PLEKHS1: variants seen among roughly 807,000 people sequenced by gnomAD.
The protein encoded by PLEKHS1 is pleckstrin homology domain containing S1, also known as pleckstrin homology domain-containing family S member 1.
A neutral mutation model predicts 51.0 loss-of-function variants in PLEKHS1; 55 were observed. The ratio of observed to expected loss-of-function variants is 1.08; its 90% CI spans 0.87 to 1.35. The LOEUF (loss-of-function observed/expected upper bound fraction) is 1.35. Among genes scored for constraint, PLEKHS1 ranks in the 40% most tolerant of loss-of-function variants. The probability of loss-of-function intolerance (pLI) is 0.00; values close to 1 mark genes in which losing one functional copy is unlikely to be tolerated. For synonymous variants in PLEKHS1, 153 were observed against 144.8 expected, an observed-to-expected ratio of 1.06 and a Z score of -0.41; for missense variants, 398 against 423.0, an observed-to-expected ratio of 0.94 and a Z score of 0.52.
intron 7 of PLEKHS1, 108 bp downstream of exon 7, chr10:113,770,008 C>T (rs1844333655): frequency 2.5e-6 from 2 of 797,582 alleles, no homozygotes; most frequent in Non-Finnish European, 4.4e-6. Flanking sequence ...TTCCTCAAAG[C>T]CCGATGCACT....
At chr10:113,765,349 C>T in intron 2 of PLEKHS1, 1 of 779,320 alleles carries the variant, frequency 1.3e-6, no homozygotes, top group Non-Finnish European at 2.4e-6. Flanking sequence ...AGTACTCTAC[C>T]CAATGCCCTG....
exon 11 of PLEKHS1, chr10:113,775,814 C>T: frequency 6.2e-7 from 1 of 1,613,078 alleles, no homozygotes; most frequent in South Asian, 1.1e-5. Flanking sequence ...TTTCCTTTCT[C>T]CTCCTGATGT....
chr10:113,777,749 G>A, intron 11 of PLEKHS1: 1 of 1,460,120 alleles, frequency 6.8e-7, no homozygotes, highest in Non-Finnish European at 9.0e-7. Flanking sequence ...TGTTATTCAA[G>A]CCCATTTTTT....
chr10:113,769,772 T>G lies in PLEKHS1; in HGVS notation c.436-12T>G. The G allele has an allele frequency of 6.3e-7, 1 of 1,576,532 alleles. No individual in the cohort carries two copies. Among genetic ancestry groups the G allele is most frequent in the Non-Finnish European group, 8.7e-7 (1 of 1,145,948 alleles). On this transcript the variant is annotated splice_polypyrimidine_tract_variant and intron_variant, in intron 6 of 11. Coordinates refer to ENST00000361048, the Ensembl canonical transcript of PLEKHS1. Reference sequence around the variant, plus strand: ...CAACTGTGCCCTGACTGATTCCTTTTTTTGTGAGCAGGAGGAACTCTCATT... The same window carrying G: ...CAACTGTGCCCTGACTGATTCCTTTGTTTGTGAGCAGGAGGAACTCTCATT...
At chr10:113,757,882 T>C (rs980864754) in intron 2 of PLEKHS1, among the ~76,000 whole-genome samples, 3 of 152,276 alleles carry the variant, frequency 2.0e-5, no homozygotes, top group African/African-American at 7.2e-5. Context: ...AGCTGTAGAT[T>C]CCATCTCAAG....
chr10:113,779,644 A>G (rs528057778), intron 11 of PLEKHS1, among the ~76,000 whole-genome samples: 1 of 152,148 alleles, frequency 6.6e-6, no homozygotes, highest in Non-Finnish European at 1.5e-5. Context: ...TCTGAAAGTT[A>G]CCAAACACTA....
intron 10 of PLEKHS1, 36 bp downstream of exon 10, chr10:113,775,071 A>G (rs762866845): frequency 8.4e-6 from 13 of 1,545,792 alleles, no homozygotes; most frequent in Non-Finnish European, 1.2e-5. Flanking sequence ...ATGGGCCCTA[A>G]GAGCAAGGCA....
intron 5 of PLEKHS1, 105 bp from the exon 6 acceptor site, chr10:113,768,710 G>T: frequency 1.2e-6 from 1 of 857,030 alleles, no homozygotes; most frequent in Non-Finnish European, 1.8e-6. Context: ...TATTTCGCTG[G>T]TACCTGCTCT....
intron 2 of PLEKHS1, among the ~76,000 whole-genome samples, chr10:113,759,899 T>C (rs1001237544): frequency 6.6e-6 from 1 of 152,226 alleles, no homozygotes; most frequent in Non-Finnish European, 1.5e-5. Context: ...GGCTGACATG[T>C]TTAAAGTCTA....
At chr10:113,780,555 T>A in intron 11 of PLEKHS1, 47 bp from the exon 13 acceptor site, 1 of 1,558,480 alleles carries the variant, frequency 6.4e-7, no homozygotes, top group African/African-American at 1.4e-5. Context: ...GCAACAATCT[T>A]AAAGATAATC....
At position 113,777,265 on chromosome 10, in the gene PLEKHS1, TC is replaced by T; in HGVS notation, c.1091+1400del. ...CCCGGTCCATCCAGAAGGAGGTGAG[TC>T]GTACTGACCAGCCCTGAACAGGGCA... is the stretch of plus-strand genomic sequence containing the variant. On this transcript the variant is annotated intron_variant, in intron 11 of 11. Coordinates refer to ENST00000361048, the Ensembl canonical transcript of PLEKHS1. 1 of 1,612,480 alleles carries T rather than the reference TC, an allele frequency of 6.2e-7. No homozygotes were observed. Among genetic ancestry groups the T allele is most frequent in the Non-Finnish European group, 8.5e-7 (1 of 1,179,786 alleles).
At chr10:113,764,274 T>C (rs1388971013) in intron 2 of PLEKHS1, among the ~76,000 whole-genome samples, 1 of 152,116 alleles carries the variant, frequency 6.6e-6, no homozygotes, top group Non-Finnish European at 1.5e-5. Context: ...CTAATTTTTG[T>C]ATTTTTGTAG....
intron 2 of PLEKHS1, chr10:113,765,498 G>A (rs1844121615): frequency 1.4e-6 from 1 of 731,764 alleles, no homozygotes; most frequent in Admixed American, 1.9e-5. Context: ...AATACTTGAG[G>A]GAGACAGTAT....
chr10:113,754,231 G>A (rs940843675), intron 1 of PLEKHS1, among the ~76,000 whole-genome samples: 3 of 152,224 alleles, frequency 2.0e-5, no homozygotes, highest in Non-Finnish European at 4.4e-5. Flanking sequence ...GAGAGGTCAG[G>A]AGGGTCAAGG....
chr10:113,770,258 C>T (rs866684051), intron 7 of PLEKHS1, among the ~76,000 whole-genome samples: 17 of 152,222 alleles, frequency 1.1e-4, no homozygotes, highest in Non-Finnish European at 2.1e-4. Context: ...CTGATTTCTG[C>T]CCATTCTGTC....
exon 12 of PLEKHS1, chr10:113,780,893 C>T (rs3750900): frequency 0.39 from 360,246 of 935,008 alleles, 71,314 homozygotes; most frequent in South Asian, 0.5. Context: ...TGAATTTCTG[C>T]ATCTGCATCT....
chr10:113,772,036 C>A (rs373901531), exon 8 of PLEKHS1: 14 of 1,613,776 alleles, frequency 8.7e-6, no homozygotes, highest in Admixed American at 8.3e-5. Flanking sequence ...AGAAGCCACT[C>A]AAGATGTGAA....
Position 113,759,775 on chromosome 10 carries a change from T to G in PLEKHS1, c.28+4470T>G, listed in dbSNP as rs186414643. On this transcript the variant is annotated intron_variant, in intron 2 of 11. Transcript: ENST00000361048. ...AATTTTTGTAAAATCATATATTTCT[T>G]TATTTTACCTAGAATCAAAATGGCT... Among the ~76,000 whole-genome samples, 184 of 152,356 alleles carry G rather than the reference T, an allele frequency of 1.2e-3. 1 individual carries two copies. Among genetic ancestry groups the G allele is most frequent in the African/African-American group, 4.1e-3 (169 of 41,582 alleles).
At chr10:113,767,602 T>C (rs1334193062) in intron 5 of PLEKHS1, 123 bp downstream of exon 5, 12 of 957,284 alleles carry the variant, frequency 1.3e-5, no homozygotes, top group Non-Finnish European at 4.3e-6. Context: ...AATGCCATCT[T>C]GGCAATCTTA....
Sources: gnomAD v4.1 joint callset for allele counts (sites outside exome capture counted in the v4.1 genomes callset) on GRCh38, gnomAD v4.1.1 for gene constraint, MANE v1.5 for transcripts, NCBI Gene and HGNC (gene_info 2026-07-23, HGNC 2026-07-21) for gene names.